Variants in SLC4A10 observed in about 807,000 individuals in gnomAD.
SLC4A10 encodes the protein solute carrier family 4 member 10.
SLC4A10 carries 42 observed loss-of-function variants against 137.7 expected under a neutral mutation model. That is an observed-to-expected ratio of 0.30 (90% CI 0.24 to 0.39). SLC4A10 has a LOEUF of 0.39. Among genes scored for constraint, SLC4A10 ranks in the 10% least tolerant of loss-of-function variants. The pLI is 1.00. For missense variants in SLC4A10, 925 were observed against 1,355.0 expected (o/e 0.68, Z 4.98); for synonymous variants, 474 against 464.1 (o/e 1.02, Z -0.27).
rs565861837 is a variant in SLC4A10 at position 161,937,961 on chromosome 2, G to GAA, written c.1998-4822_1998-4821dup. Among the ~76,000 whole-genome samples the GAA allele has an allele frequency of 3.3e-3, 497 of 149,242 alleles. 1 individual carries two copies. Among genetic ancestry groups the GAA allele is most frequent in the African/African-American group, 0.011 (466 of 40,722 alleles). Reference sequence around the variant, plus strand: ...ATATGCTGAAGCCCTGTTGACTAAAGAAAAAAAAAATCAAGCTTTTAAAGT... The same window carrying GAA: ...ATATGCTGAAGCCCTGTTGACTAAAGAAAAAAAAAAAATCAAGCTTTTAAAGT... On this transcript the variant is annotated intron_variant, in intron 15 of 26. Transcript: ENST00000446997.
chr2:161,678,441 G>C (rs976366917), intron 1 of SLC4A10, among the ~76,000 whole-genome samples: 1 of 152,148 alleles, frequency 6.6e-6, no homozygotes, highest in African/African-American at 2.4e-5. Context: ...TAATGCCAAA[G>C]TGAGAGACGA....
intron 19 of SLC4A10, among the ~76,000 whole-genome samples, chr2:161,955,257 C>T (rs1695453179): frequency 6.6e-6 from 1 of 152,158 alleles, no homozygotes; most frequent in Admixed American, 6.5e-5. Context: ...GAGTTCTATT[C>T]TATGGAATTA....
intron 15 of SLC4A10, among the ~76,000 whole-genome samples, chr2:161,913,309 A>C (rs1042570618): frequency 2.0e-5 from 3 of 152,168 alleles, no homozygotes; most frequent in Non-Finnish European, 4.4e-5. Context: ...ATTGAAAAGC[A>C]GTAGTTTAAA....
intron 21 of SLC4A10, among the ~76,000 whole-genome samples, chr2:161,960,300 G>A (rs1696422589): frequency 6.8e-6 from 1 of 147,708 alleles, no homozygotes; most frequent in African/African-American, 2.5e-5. Context: ...GGAGGCGGAG[G>A]TTGCAGTGAG....
chr2:161,929,648 T>C (rs766555049), intron 15 of SLC4A10, among the ~76,000 whole-genome samples: 4 of 152,202 alleles, frequency 2.6e-5, no homozygotes, highest in Non-Finnish European at 5.9e-5. Context: ...TTTAGTTAGT[T>C]GGGATTCCCA....
At chr2:161,901,105 A>G in intron 12 of SLC4A10, 94 bp downstream of exon 12, 1 of 864,684 alleles carries the variant, frequency 1.2e-6, no homozygotes, top group African/African-American at 1.7e-5. Flanking sequence ...AATTTATTGT[A>G]TACTTTTAAT....
intron 1 of SLC4A10, among the ~76,000 whole-genome samples, chr2:161,757,583 G>A (rs560603695): frequency 6.6e-6 from 1 of 152,148 alleles, no homozygotes; most frequent in South Asian, 2.1e-4. Context: ...GGAAATTGAG[G>A]CACAAAGAAC....
At chr2:161,868,980 G>A (rs1345317622) in intron 6 of SLC4A10, among the ~76,000 whole-genome samples, 1 of 151,548 alleles carries the variant, frequency 6.6e-6, no homozygotes, top group Non-Finnish European at 1.5e-5. Context: ...GTGGACAAAG[G>A]TAATATAAAG....
At chr2:161,772,190 A>G (rs1244950807) in intron 2 of SLC4A10, among the ~76,000 whole-genome samples, 1 of 151,918 alleles carries the variant, frequency 6.6e-6, no homozygotes, top group Non-Finnish European at 1.5e-5. Flanking sequence ...ACATAAATTT[A>G]AGGGAGCAAA....
At chr2:161,676,714 C>T (rs1034001845) in intron 1 of SLC4A10, among the ~76,000 whole-genome samples, 2 of 151,980 alleles carry the variant, frequency 1.3e-5, no homozygotes, top group African/African-American at 4.8e-5. Flanking sequence ...GAATTGATAT[C>T]AAAAATTTAC....
chr2:161,758,160 A>G (rs984391338), intron 1 of SLC4A10, among the ~76,000 whole-genome samples: 3 of 152,044 alleles, frequency 2.0e-5, no homozygotes, highest in South Asian at 4.2e-4. Context: ...TCATTATTTT[A>G]GTAAATTACA....
At chr2:161,816,868 C>T (rs955449501) in intron 3 of SLC4A10, among the ~76,000 whole-genome samples, 18 of 152,038 alleles carry the variant, frequency 1.2e-4, no homozygotes, top group Non-Finnish European at 2.5e-4. Context: ...TTTTCTTAAT[C>T]CAGTCTATCA....
rs750648475 is a variant in SLC4A10, at chr2:161,856,397, A to ACACC, written c.577+1268_577+1269insACCC. ...CACACACACACACACACACACACAC[A>ACACC]CCACACTGCCCCAAATAGGAAAGAT... On this transcript the variant is annotated intron_variant, in intron 5 of 26. Coordinates refer to ENST00000446997, the MANE Select transcript of SLC4A10 (RefSeq NM_001178015.2). 2.1e-3 allele frequency among the ~76,000 whole-genome samples: 310 copies of ACACC among 147,992 alleles called. 1 individual carries two copies. Among genetic ancestry groups the ACACC allele is most frequent in the African/African-American group, 4.4e-3 (176 of 40,036 alleles).
intron 4 of SLC4A10, among the ~76,000 whole-genome samples, chr2:161,847,898 G>C (rs1375284124): frequency 2.0e-5 from 3 of 152,150 alleles, no homozygotes; most frequent in African/African-American, 7.2e-5. Context: ...CTGAGTAATA[G>C]GATTGCTGGG....
At chr2:161,782,386 G>A (rs2053134253) in intron 2 of SLC4A10, among the ~76,000 whole-genome samples, 1 of 151,856 alleles carries the variant, frequency 6.6e-6, no homozygotes, top group Non-Finnish European at 1.5e-5. Context: ...TTCCATATAA[G>A]GCCAGCTCTT....
intron 15 of SLC4A10, among the ~76,000 whole-genome samples, chr2:161,911,527 ACTAT>A (rs1685853429): frequency 6.6e-6 from 1 of 152,094 alleles, no homozygotes; most frequent in South Asian, 2.1e-4. Flanking sequence ...GATTTAGAGA[ACTAT>A]CTGTTTCAAC....
At chr2:161,712,948 T>C (rs182179098) in intron 1 of SLC4A10, among the ~76,000 whole-genome samples, 245 of 152,008 alleles carry the variant, frequency 1.6e-3, no homozygotes, top group African/African-American at 5.6e-3. Flanking sequence ...TCTGTAGGTC[T>C]CTGCCTTCAG....
intron 4 of SLC4A10, among the ~76,000 whole-genome samples, chr2:161,853,976 G>T (rs991930039): frequency 6.6e-6 from 1 of 152,052 alleles, no homozygotes; most frequent in African/African-American, 2.4e-5. Context: ...CCACATATTT[G>T]TTGTGTGTTG....
At position 161,804,443 on chromosome 2, in the gene SLC4A10, A is replaced by G. The variant is rs2055703210; in HGVS notation, c.131-6A>G. On this transcript the variant is annotated splice_region_variant and splice_polypyrimidine_tract_variant and intron_variant, in intron 2 of 26. Coordinates refer to ENST00000446997, the MANE Select transcript of SLC4A10 (RefSeq NM_001178015.2). ...GTTTAATTTGTGGGTTTGCTTCCTT[A>G]TGAAGGTCATCGAACACTATTTATT... The G allele has an allele frequency of 6.2e-7, 1 of 1,609,514 alleles. No individual in the cohort carries two copies. Among genetic ancestry groups the G allele is most frequent in the East Asian group, 2.2e-5 (1 of 44,764 alleles).
Sources: gnomAD v4.1 joint callset for allele counts (sites outside exome capture counted in the v4.1 genomes callset) on GRCh38, gnomAD v4.1.1 for gene constraint, MANE v1.5 for transcripts, NCBI Gene and HGNC (gene_info 2026-07-23, HGNC 2026-07-21) for gene names.